The following PCSK5 variants were observed in gnomAD, a reference collection of about 807,000 sequenced individuals.
The protein encoded by PCSK5 is prohormone convertase 5.
In PCSK5, 129 loss-of-function variants were observed where a neutral mutation model predicts 233.2. The observed-to-expected ratio is 0.55, with a 90% CI of 0.48 to 0.64. PCSK5 has a LOEUF of 0.64. Among genes scored for constraint, PCSK5 ranks in the 30% least tolerant of loss-of-function variants. The probability of loss-of-function intolerance (pLI) is 0.00; values close to 1 mark genes in which losing one functional copy is unlikely to be tolerated. For missense variants in PCSK5, 2,076 were observed against 2,430.1 expected (o/e 0.85, Z 3.06); for synonymous variants, 825 against 879.2 (o/e 0.94, Z 1.09).
At chr9:76,225,226 T>A (rs895839687) in intron 20 of PCSK5, among the ~76,000 whole-genome samples, 4 of 152,160 alleles carry the variant, frequency 2.6e-5, no homozygotes, top group Non-Finnish European at 5.9e-5. Context: ...TCGCATAAAA[T>A]CTTTGAGAAC....
At chr9:76,233,715 G>C in intron 22 of PCSK5, 119 bp downstream of exon 22, 1 of 870,940 alleles carries the variant, frequency 1.1e-6, no homozygotes, top group South Asian at 1.6e-5. Flanking sequence ...TCAGACAGCT[G>C]TTCACTGGAG....
At chr9:76,172,834 T>C (rs1220271889) in intron 13 of PCSK5, among the ~76,000 whole-genome samples, 1 of 152,154 alleles carries the variant, frequency 6.6e-6, no homozygotes, top group Admixed American at 6.5e-5. Context: ...AATACCCTGA[T>C]TGTGAAAAGC....
chr9:75,954,521 A>G (rs571104152), intron 2 of PCSK5, among the ~76,000 whole-genome samples: 1 of 152,202 alleles, frequency 6.6e-6, no homozygotes, highest in Non-Finnish European at 1.5e-5. Context: ...TTATTGAGTT[A>G]CTGTGCCTTG....
At chr9:75,994,430 T>C (rs1381891722) in intron 3 of PCSK5, among the ~76,000 whole-genome samples, 7 of 74,384 alleles carry the variant, frequency 9.4e-5, no homozygotes, top group Admixed American at 2.0e-4. Context: ...TTTTTTTTTT[T>C]TTTTTTTTTT....
At chr9:75,940,944 G>A (rs1388465937) in intron 2 of PCSK5, among the ~76,000 whole-genome samples, 1 of 152,186 alleles carries the variant, frequency 6.6e-6, no homozygotes, top group Non-Finnish European at 1.5e-5. Flanking sequence ...TAAGTATTCA[G>A]AAGTGTCTGA....
rs10114834 is a variant in PCSK5, at chr9:76,283,911, G to A, written c.3143-8322G>A. On this transcript the variant is annotated intron_variant, in intron 24 of 37. Transcript: ENST00000674117. ...AATCAAATAGTCCGTCTATAAAGAA[G>A]GGCTGGAAGCCAAGTGCAGGAGATT... 2.0e-5 allele frequency among the ~76,000 whole-genome samples: 3 copies of A among 152,282 alleles called. No individual in the cohort carries two copies. In the South Asian group the frequency reaches 6.2e-4, roughly 32 times the overall value.
intron 1 of PCSK5, among the ~76,000 whole-genome samples, chr9:75,928,247 C>G (rs939451577): frequency 2.6e-5 from 4 of 152,004 alleles, no homozygotes; most frequent in African/African-American, 9.7e-5. Context: ...ACTTCATATA[C>G]TCCTATTGTT....
At chr9:76,223,867 A>G (rs1825802078) in intron 20 of PCSK5, among the ~76,000 whole-genome samples, 1 of 152,214 alleles carries the variant, frequency 6.6e-6, no homozygotes, top group Non-Finnish European at 1.5e-5. Flanking sequence ...AAACAACAAA[A>G]AAGAGCAACT....
At chr9:76,332,327 TC>T in intron 33 of PCSK5, 105 bp from the exon 34 acceptor site, 1 of 733,344 alleles carries the variant, frequency 1.4e-6, no homozygotes, top group African/African-American at 1.8e-5. Flanking sequence ...ATCCCATTCC[TC>T]CTGCAGCCCT....
rs538842544 is a variant in PCSK5 at position 76,043,728 on chromosome 9, A to G, written c.632+16691A>G. ...GTATTTATTTTGAGTCCGAGTTACG[A>G]GACTGGCTAATTTTTGTATTTTTGG... On this transcript the variant is annotated intron_variant, in intron 5 of 37. Coordinates refer to ENST00000674117, the MANE Select transcript of PCSK5 (RefSeq NM_001372043.1). 7.2e-5 allele frequency among the ~76,000 whole-genome samples: 11 copies of G among 152,260 alleles called. No individual in the cohort carries two copies. In the South Asian group the frequency reaches 2.3e-3, roughly 32 times the overall value.
chr9:75,890,403 T>A (rs1006088113), upstream of PCSK5, among the ~76,000 whole-genome samples: 1 of 152,038 alleles, frequency 6.6e-6, no homozygotes, highest in East Asian at 1.9e-4. Context: ...TGGCGGTAAA[T>A]TCATACAAAT....
intron 20 of PCSK5, among the ~76,000 whole-genome samples, chr9:76,202,005 T>C (rs944295958): frequency 6.6e-6 from 1 of 152,196 alleles, no homozygotes; most frequent in African/African-American, 2.4e-5. Context: ...ACAGGATTTC[T>C]TGCCACCGAA....
chr9:76,015,017 A>G (rs1827890119), intron 3 of PCSK5, among the ~76,000 whole-genome samples: 1 of 152,152 alleles, frequency 6.6e-6, no homozygotes, highest in Non-Finnish European at 1.5e-5. Flanking sequence ...TCATGTGATA[A>G]TGGGGGCTGA....
At position 75,896,701 on chromosome 9, in the gene PCSK5, T is replaced by TAC. The variant is rs758380671; in HGVS notation, c.192+5342_192+5343dup. On this transcript the variant is annotated intron_variant, in intron 1 of 37. Transcript: ENST00000674117. ...TTATAGACATTAATGCATGCTAGAATACACACACACACACATATATACACA... is the reference window on the plus strand; with the variant it reads ...TTATAGACATTAATGCATGCTAGAATACACACACACACACACATATATACACA... 1.0e-3 allele frequency among the ~76,000 whole-genome samples: 151 copies of TAC among 151,672 alleles called. 1 individual carries two copies. The highest frequency in any genetic ancestry group is 3.0e-3 in the African/African-American group (123 of 41,448).
intron 5 of PCSK5, among the ~76,000 whole-genome samples, chr9:76,067,688 C>T (rs570622309): frequency 5.9e-5 from 9 of 152,224 alleles, no homozygotes; most frequent in East Asian, 3.9e-4. Flanking sequence ...GATATAGAAA[C>T]GAAGGTTTTC....
rs186162183 is a variant in PCSK5 at position 75,917,678 on chromosome 9, C to T, written c.193-14701C>T. Among the ~76,000 whole-genome samples the T allele has an allele frequency of 2.6e-5, 4 of 152,322 alleles. No individual in the cohort carries two copies. The East Asian group carries it at 5.8e-4, about 22-fold the overall frequency. ...ATAAAACCTTGCTTTACACATTGCA[C>T]ATATCTGCTGATATAATTGTAAAGA... On this transcript the variant is annotated intron_variant, in intron 1 of 37. Transcript: ENST00000674117.
At chr9:76,331,968 G>A (rs998497068) in intron 33 of PCSK5, among the ~76,000 whole-genome samples, 2 of 152,244 alleles carry the variant, frequency 1.3e-5, no homozygotes, top group East Asian at 3.9e-4. Flanking sequence ...CATAGGAACA[G>A]CAATAAGAGA....
At chr9:75,935,712 C>T (rs1033360446) in intron 2 of PCSK5, among the ~76,000 whole-genome samples, 1 of 151,944 alleles carries the variant, frequency 6.6e-6, no homozygotes, top group African/African-American at 2.4e-5. Flanking sequence ...TTAACAAGTA[C>T]AAGCCAGTTA....
chr9:76,127,867 G>C (rs895986330), intron 9 of PCSK5, among the ~76,000 whole-genome samples: 1 of 118,774 alleles, frequency 8.4e-6, no homozygotes, highest in Non-Finnish European at 2.0e-5. Context: ...TTGCGGCTGA[G>C]GAAACAGAGA....
Sources: allele counts gnomAD v4.1 joint callset (sites outside exome capture counted in the v4.1 genomes callset), GRCh38; gene constraint gnomAD v4.1.1; transcripts MANE v1.5; gene names NCBI Gene and HGNC (gene_info 2026-07-23, HGNC 2026-07-21).